Variants in LIMA1 observed in about 807,000 individuals in gnomAD.
LIMA1 encodes LIM domain and actin binding 1.
In LIMA1, 52 loss-of-function variants were observed where a neutral mutation model predicts 62.6. The ratio of observed to expected loss-of-function variants is 0.83; its 90% CI spans 0.67 to 1.05. The LOEUF (loss-of-function observed/expected upper bound fraction) is 1.05, where lower values mean the gene tolerates loss of function less well. Among genes scored for constraint, LIMA1 ranks in the 50% least tolerant of loss-of-function variants. LIMA1 has a pLI of 0.00. For synonymous variants in LIMA1, 302 were observed against 317.8 expected, an observed-to-expected ratio of 0.95 and a Z score of 0.53; for missense variants, 780 against 902.2, an observed-to-expected ratio of 0.86 and a Z score of 1.74.
intron 2 of LIMA1, among the ~76,000 whole-genome samples, chr12:50,235,709 T>A (rs1251904117): frequency 6.6e-6 from 1 of 152,140 alleles, no homozygotes; most frequent in South Asian, 2.1e-4. Context: ...TCGTTGACCA[T>A]AACTAGGAAG....
chr12:50,262,414 TAAG>T (rs1817688305), intron 1 of LIMA1, among the ~76,000 whole-genome samples: 1 of 152,122 alleles, frequency 6.6e-6, no homozygotes, highest in Admixed American at 6.6e-5. Flanking sequence ...CACATTTTAA[TAAG>T]AAGAACGTTG....
chr12:50,197,195 C>G (rs984768769), intron 7 of LIMA1, among the ~76,000 whole-genome samples: 1 of 151,634 alleles, frequency 6.6e-6, no homozygotes, highest in Non-Finnish European at 1.5e-5. Context: ...CTCAGCCTCC[C>G]GAGTAGCTGG....
chr12:50,269,918 CAAATAAAAA>C lies in LIMA1; in HGVS notation c.-24+13493_-24+13501del, dbSNP rs1243628761. On this transcript the variant is annotated intron_variant, in intron 1 of 10. Transcript: ENST00000341247. ...CTGGGCAACAAGAGCAAAACTCCGT[CAAATAAAAA>C]AAAAAAAAAAAAAAAAATTTAAAAA... Among the ~76,000 whole-genome samples, 17 of 88,142 alleles carry C rather than the reference CAAATAAAAA, an allele frequency of 1.9e-4. 1 individual carries two copies. Among genetic ancestry groups the C allele is most frequent in the African/African-American group, 6.1e-4 (13 of 21,400 alleles). 57.8% of individuals were successfully genotyped at this position (88,142 alleles called of 152,430 possible).
intron 2 of LIMA1, among the ~76,000 whole-genome samples, chr12:50,240,211 G>GA (rs1941757439): frequency 2.0e-5 from 3 of 152,138 alleles, no homozygotes; most frequent in Admixed American, 2.0e-4. Flanking sequence ...CTCAAGGCAA[G>GA]AAAGTGTCTC....
chr12:50,181,755 C>T (rs1940506902), intron 10 of LIMA1, 149 bp downstream of exon 10: 2 of 785,218 alleles, frequency 2.5e-6, no homozygotes, highest in Non-Finnish European at 3.9e-6. Context: ...GTATGAAAGA[C>T]TTGTCACTAA....
At chr12:50,228,367 C>G (rs905233757) in intron 3 of LIMA1, among the ~76,000 whole-genome samples, 1 of 152,204 alleles carries the variant, frequency 6.6e-6, no homozygotes, top group African/African-American at 2.4e-5. Context: ...TATTCTACCA[C>G]TCCCAAACAA....
chr12:50,282,870 C>T (rs12308939), intron 1 of LIMA1, among the ~76,000 whole-genome samples: 2 of 152,090 alleles, frequency 1.3e-5, no homozygotes, highest in African/African-American at 2.4e-5. Context: ...CAACATATGT[C>T]GGGGGCAAGT....
intron 1 of LIMA1, among the ~76,000 whole-genome samples, chr12:50,266,898 C>CT (rs933101260): frequency 1.3e-5 from 2 of 150,978 alleles, no homozygotes; most frequent in Admixed American, 6.6e-5. Flanking sequence ...AATACATTTA[C>CT]TTTTTTTTTA....
chr12:50,222,731 G>A, intron 3 of LIMA1: 4 of 1,348,130 alleles, frequency 3.0e-6, no homozygotes, highest in African/African-American at 1.5e-5. Flanking sequence ...GGCCTTATAA[G>A]GACAAAATGA....
At chr12:50,272,359 G>T (rs2138700351) in intron 1 of LIMA1, among the ~76,000 whole-genome samples, 1 of 151,944 alleles carries the variant, frequency 6.6e-6, no homozygotes, top group Admixed American at 6.6e-5. Flanking sequence ...GGAGACCGAG[G>T]CGGGCGGATC....
chr12:50,200,279 C>T (rs1388342700), intron 7 of LIMA1, among the ~76,000 whole-genome samples: 2 of 152,006 alleles, frequency 1.3e-5, no homozygotes, highest in African/African-American at 4.8e-5. Context: ...ACTCAGCTCA[C>T]TGCAACCTCC....
chr12:50,201,344 T>C lies in LIMA1; in HGVS notation c.865-460A>G, dbSNP rs975647819. ...CCCGGCCTGGAAAGAGAGACAGGGATGATGTATACATATAAAAACTGAAAT... is the reference window on the plus strand; with the variant it reads ...CCCGGCCTGGAAAGAGAGACAGGGACGATGTATACATATAAAAACTGAAAT... On this transcript the variant is annotated intron_variant, in intron 6 of 10. Coordinates refer to ENST00000341247, the MANE Select transcript of LIMA1 (RefSeq NM_016357.5). The C allele has an allele frequency of 2.3e-5, 23 of 986,190 alleles. No individual in the cohort carries two copies. The African/African-American group carries it at 3.3e-4, about 14-fold the overall frequency. The allele number at this position is 986,190 out of a possible 1,614,324, so 61.1% of individuals were successfully genotyped here.
intron 3 of LIMA1, among the ~76,000 whole-genome samples, chr12:50,227,849 T>G (rs1379081100): frequency 2.0e-5 from 3 of 151,464 alleles, no homozygotes; most frequent in Non-Finnish European, 2.9e-5. Flanking sequence ...ATGGTAATTT[T>G]TTTTTTCTTT....
intron 1 of LIMA1, among the ~76,000 whole-genome samples, chr12:50,274,324 G>A (rs1037784079): frequency 2.0e-5 from 3 of 152,214 alleles, no homozygotes; most frequent in Non-Finnish European, 4.4e-5. Context: ...GATGGCTCAC[G>A]CCTGTAATCC....
At chr12:50,193,546 CATAT>C (rs1368047337) in intron 8 of LIMA1, among the ~76,000 whole-genome samples, 8 of 111,268 alleles carry the variant, frequency 7.2e-5, no homozygotes, top group African/African-American at 3.1e-4. Context: ...TATATATATA[CATAT>C]ATATCATATA....
At chr12:50,249,504 C>G (rs1941898684) in intron 1 of LIMA1, among the ~76,000 whole-genome samples, 1 of 151,968 alleles carries the variant, frequency 6.6e-6, no homozygotes, top group African/African-American at 2.4e-5. Flanking sequence ...CATTTTAAAG[C>G]CTTTATCAAG....
rs554707999 is a variant in LIMA1, at chr12:50,193,534, G to GATAT, written c.1031-977_1031-974dup. 5.8e-3 allele frequency among the ~76,000 whole-genome samples: 550 copies of GATAT among 95,388 alleles called. 17 individuals are homozygous for GATAT. The highest frequency in any genetic ancestry group is 0.057 in the Admixed American group (494 of 8,626). The allele number at this position is 95,388 out of a possible 152,430, so 62.6% of individuals were successfully genotyped here. A position where few individuals can be genotyped will look rare whatever the true frequency, so the allele number is the denominator to read the frequency against. ...ATATATGATATATATACACATATAT[G>GATAT]ATATATATATACATATATATCATAT... On this transcript the variant is annotated intron_variant, in intron 8 of 10. Transcript: ENST00000341247.
chr12:50,225,326 T>C (rs1180592408), intron 3 of LIMA1, among the ~76,000 whole-genome samples: 1 of 152,206 alleles, frequency 6.6e-6, no homozygotes, highest in East Asian at 1.9e-4. Context: ...GTACCCGACA[T>C]GAATAGATGC....
At chr12:50,276,787 T>C (rs1354567625) in intron 1 of LIMA1, among the ~76,000 whole-genome samples, 1 of 152,048 alleles carries the variant, frequency 6.6e-6, no homozygotes, top group Non-Finnish European at 1.5e-5. Context: ...TGAGAATCAC[T>C]TGAACCCTGG....
Sources: allele counts gnomAD v4.1 joint callset (sites outside exome capture counted in the v4.1 genomes callset), GRCh38; gene constraint gnomAD v4.1.1; transcripts MANE v1.5; gene names NCBI Gene and HGNC (gene_info 2026-07-23, HGNC 2026-07-21).